The following DCAF8L2 variants were observed in gnomAD, a reference collection of about 807,000 sequenced individuals.
DCAF8L2 encodes DDB1 and CUL4 associated factor 8 like 2.
For synonymous variants in DCAF8L2, 200 were observed against 190.9 expected, an observed-to-expected ratio of 1.05 and a Z score of -0.39; for missense variants, 430 against 490.7, an observed-to-expected ratio of 0.88 and a Z score of 1.17.
At chrX:27,504,703 A>G in the DCAF8L2 span, among the ~76,000 whole-genome samples, 3 of 111,543 alleles carry the variant, frequency 2.7e-5, no homozygotes, top group East Asian at 2.8e-4. Flanking sequence ...GGACTGACTC[A>G]TAGTAGCAAA....
At chrX:27,514,822 G>C in the DCAF8L2 span, among the ~76,000 whole-genome samples, 2 of 110,660 alleles carry the variant, frequency 1.8e-5, no homozygotes, top group Non-Finnish European at 3.8e-5. Context: ...CTCATATGTG[G>C]AATCTAAAAA....
At chrX:27,618,971 T>C (rs1347522404) in intron 1 of DCAF8L2, among the ~76,000 whole-genome samples, 2 of 106,049 alleles carry the variant, frequency 1.9e-5, no homozygotes, top group East Asian at 5.7e-4. Flanking sequence ...TGGATTAAGA[T>C]ATAGCTTCAG....
chrX:27,662,091 TAGGGATAA>T (rs1172309398), intron 2 of DCAF8L2, among the ~76,000 whole-genome samples: 31 of 111,764 alleles, frequency 2.8e-4, no homozygotes, highest in Non-Finnish European at 4.9e-4. Flanking sequence ...TTAGGACACT[TAGGGATAA>T]ATATTATAAT....
At chrX:27,739,106 A>T (rs770075069) in intron 4 of DCAF8L2, among the ~76,000 whole-genome samples, 63 of 110,373 alleles carry the variant, frequency 5.7e-4, no homozygotes, top group African/African-American at 9.9e-4. Context: ...AATCTGATTT[A>T]AAAAAAAATC....
At chrX:27,492,352 T>C in the DCAF8L2 span, among the ~76,000 whole-genome samples, 1 of 112,411 alleles carries the variant, frequency 8.9e-6, no homozygotes, top group East Asian at 2.8e-4. Flanking sequence ...GACTATTACA[T>C]ATAATTCTTC....
the DCAF8L2 span, among the ~76,000 whole-genome samples, chrX:27,524,790 C>CA: frequency 9.0e-6 from 1 of 111,557 alleles, no homozygotes; most frequent in Non-Finnish European, 1.9e-5. Context: ...GTTATGTACC[C>CA]AGTAGTCATT....
chrX:27,524,330 G>A, the DCAF8L2 span, among the ~76,000 whole-genome samples: 44 of 111,974 alleles, frequency 3.9e-4, no homozygotes, highest in East Asian at 0.012. Context: ...GGTGTTTATA[G>A]TATTCTCTGA....
At chrX:27,603,556 A>T (rs962519681) in intron 1 of DCAF8L2, among the ~76,000 whole-genome samples, 10 of 112,132 alleles carry the variant, frequency 8.9e-5, no homozygotes, top group African/African-American at 3.2e-4. Flanking sequence ...CTACGGTTGT[A>T]TATCACTTAG....
At chrX:27,723,921 A>T (rs1931985673) in intron 4 of DCAF8L2, among the ~76,000 whole-genome samples, 1 of 109,046 alleles carries the variant, frequency 9.2e-6, no homozygotes, top group Admixed American at 9.8e-5. Flanking sequence ...AGATAGAGTG[A>T]TCTCCAATAA....
intron 2 of DCAF8L2, among the ~76,000 whole-genome samples, chrX:27,646,562 A>G (rs1195997183): frequency 8.9e-6 from 1 of 111,830 alleles, no homozygotes; most frequent in Non-Finnish European, 1.9e-5. Flanking sequence ...AAATTGACAA[A>G]TGGGACCTAA....
chrX:27,706,103 T>G (rs1446200854), intron 3 of DCAF8L2, among the ~76,000 whole-genome samples: 1 of 111,289 alleles, frequency 9.0e-6, no homozygotes. Context: ...CAGATGCTTG[T>G]AGGTGTGCAG....
intron 4 of DCAF8L2, among the ~76,000 whole-genome samples, chrX:27,743,186 A>C (rs1018507195): frequency 9.2e-6 from 1 of 108,565 alleles, no homozygotes; most frequent in Non-Finnish European, 1.9e-5. Context: ...GGCCCAAGGG[A>C]TGGGATTCGC....
chrX:27,679,271 T>A (rs1399549702), intron 3 of DCAF8L2, among the ~76,000 whole-genome samples: 1 of 111,647 alleles, frequency 9.0e-6, no homozygotes, highest in Non-Finnish European at 1.9e-5. Flanking sequence ...GCTGTGGTAG[T>A]TCATTTTTGC....
the DCAF8L2 span, among the ~76,000 whole-genome samples, chrX:27,565,516 T>C: frequency 8.9e-6 from 1 of 112,224 alleles, no homozygotes; most frequent in East Asian, 2.8e-4. Context: ...TGTAGTTTTC[T>C]TGTAGTGTCT....
chrX:27,674,140 ATTATG>A (rs1483441058), intron 2 of DCAF8L2, among the ~76,000 whole-genome samples: 1 of 111,501 alleles, frequency 9.0e-6, no homozygotes, highest in African/African-American at 3.3e-5. Flanking sequence ...CTTTCCACTT[ATTATG>A]TTGAGTGACA....
the DCAF8L2 span, among the ~76,000 whole-genome samples, chrX:27,561,870 G>A: frequency 2.4e-4 from 27 of 111,449 alleles, no homozygotes. Flanking sequence ...GAATAATGTT[G>A]CTATGAACAT....
chrX:27,706,159 G>GT (rs1280195819), intron 3 of DCAF8L2, among the ~76,000 whole-genome samples: 1 of 110,941 alleles, frequency 9.0e-6, no homozygotes, highest in East Asian at 2.9e-4. Flanking sequence ...CTATTTGCCT[G>GT]TTTTTTGTAC....
intron 1 of DCAF8L2, among the ~76,000 whole-genome samples, chrX:27,596,974 CTGT>C (rs1223665802): frequency 9.0e-6 from 1 of 110,825 alleles, no homozygotes; most frequent in Non-Finnish European, 1.9e-5. Context: ...TATTTGTTTT[CTGT>C]TGTTATTAGA....
rs750201572 is a variant in DCAF8L2, at chrX:27,722,341, T to C, written c.-59+6170T>C. Among the ~76,000 whole-genome samples, 69 of 111,524 alleles carry C rather than the reference T, an allele frequency of 6.2e-4. 1 individual carries two copies. Among genetic ancestry groups the C allele is most frequent in the African/African-American group, 2.1e-3 (65 of 30,774 alleles). ...ATAAGCCCATCATAAGTTGAAAATA[T>C]TGTAGGTTGAAAATGCATTTAATAA... On this transcript the variant is annotated intron_variant, in intron 4 of 4. Coordinates refer to ENST00000451261, the MANE Select transcript of DCAF8L2 (RefSeq NM_001353450.2).
Sources: allele counts gnomAD v4.1 joint callset (sites outside exome capture counted in the v4.1 genomes callset), GRCh38; gene constraint gnomAD v4.1.1; transcripts MANE v1.5; gene names NCBI Gene and HGNC (gene_info 2026-07-23, HGNC 2026-07-21).